The following SEPTIN7 variants were observed in gnomAD, a reference collection of about 807,000 sequenced individuals.
SEPTIN7 encodes the protein septin-7.
SEPTIN7 carries 10 observed loss-of-function variants against 63.3 expected under a neutral mutation model. The observed-to-expected ratio is 0.16, with a 90% CI of 0.10 to 0.27. SEPTIN7 has a LOEUF of 0.27. Ranked by LOEUF, SEPTIN7 falls within the 10% of genes least tolerant of loss-of-function variation. The pLI is 1.00. For missense variants in SEPTIN7, 310 were observed against 521.0 expected (o/e 0.59, Z 3.94); for synonymous variants, 131 against 165.3 (o/e 0.79, Z 1.59).
At chr7:35,829,393 C>T (rs554723153) in intron 1 of SEPTIN7, among the ~76,000 whole-genome samples, 6 of 152,076 alleles carry the variant, frequency 3.9e-5, no homozygotes, top group Non-Finnish European at 7.4e-5. Flanking sequence ...CCACCTGTCT[C>T]GGCTTTCTTT....
downstream of SEPTIN7, among the ~76,000 whole-genome samples, chr7:35,908,791 C>T (rs1160710143): frequency 1.3e-5 from 2 of 152,208 alleles, no homozygotes; most frequent in Non-Finnish European, 2.9e-5. Flanking sequence ...GTAAGTAGAG[C>T]ACAGATTCCC....
At chr7:35,816,586 T>C (rs1437203320) in intron 1 of SEPTIN7, among the ~76,000 whole-genome samples, 1 of 152,162 alleles carries the variant, frequency 6.6e-6, no homozygotes, top group African/African-American at 2.4e-5. Context: ...CCCTTGGATA[T>C]ATACCTAAGG....
At chr7:35,831,826 T>C (rs1783846786) in intron 2 of SEPTIN7, 1 of 257,728 alleles carries the variant, frequency 3.9e-6, no homozygotes, top group Non-Finnish European at 7.6e-6. Flanking sequence ...TTCTGTTCTT[T>C]GTTAAATCCA....
chr7:35,892,311 A>G (rs1787696763), intron 11 of SEPTIN7, among the ~76,000 whole-genome samples: 4 of 152,260 alleles, frequency 2.6e-5, no homozygotes, highest in Admixed American at 2.6e-4. Context: ...GTAAGCCTCA[A>G]TATGTGAACA....
chr7:35,821,131 C>A (rs962378621), intron 1 of SEPTIN7, among the ~76,000 whole-genome samples: 2 of 152,096 alleles, frequency 1.3e-5, no homozygotes, highest in Admixed American at 6.5e-5. Flanking sequence ...GTTTTCAAGG[C>A]TACTGTAGAG....
intron 3 of SEPTIN7, among the ~76,000 whole-genome samples, chr7:35,837,465 G>A (rs1583535131): frequency 2.0e-5 from 3 of 151,918 alleles, no homozygotes; most frequent in Non-Finnish European, 2.9e-5. Flanking sequence ...TAATAACATC[G>A]TTATAGTTAT....
chr7:35,854,719 C>T (rs1476461191), intron 3 of SEPTIN7, among the ~76,000 whole-genome samples: 2 of 152,124 alleles, frequency 1.3e-5, no homozygotes, highest in East Asian at 1.9e-4. Flanking sequence ...TGCAGGTAGC[C>T]TCTTCTCAGG....
At chr7:35,891,425 T>C (rs1787637396) in intron 11 of SEPTIN7, among the ~76,000 whole-genome samples, 1 of 152,202 alleles carries the variant, frequency 6.6e-6, no homozygotes. Context: ...GGTTATGTGG[T>C]CTAGCTATTC....
intron 3 of SEPTIN7, among the ~76,000 whole-genome samples, chr7:35,855,915 A>G (rs541152475): frequency 1.3e-5 from 2 of 152,146 alleles, no homozygotes; most frequent in Non-Finnish European, 2.9e-5. Flanking sequence ...CAAAAGACCT[A>G]TTAGTCTTTT....
intron 1 of SEPTIN7, among the ~76,000 whole-genome samples, chr7:35,819,890 A>G (rs1789309174): frequency 1.3e-5 from 2 of 152,040 alleles, no homozygotes; most frequent in South Asian, 2.1e-4. Context: ...TTGGAGTCCT[A>G]TTATACCTGA....
At chr7:35,864,064 AC>A (rs1785666410) in intron 4 of SEPTIN7, among the ~76,000 whole-genome samples, 4 of 151,924 alleles carry the variant, frequency 2.6e-5, no homozygotes, top group Admixed American at 6.6e-5. Context: ...TTTTTGCAGC[AC>A]GTATATGAAG....
chr7:35,887,743 T>C (rs1254340627), intron 10 of SEPTIN7, among the ~76,000 whole-genome samples: 1 of 152,232 alleles, frequency 6.6e-6, no homozygotes, highest in Non-Finnish European at 1.5e-5. Context: ...TGACCATGCC[T>C]GCAGGAAGAT....
At position 35,906,814 on chromosome 7, in the gene SEPTIN7, T is replaced by C. The variant is rs1788626969; in HGVS notation, c.*2521T>C. The C allele has an allele frequency of 1.3e-5, 2 of 152,230 alleles. No individual in the cohort carries two copies. The highest frequency in any genetic ancestry group is 1.3e-4 in the Admixed American group (2 of 15,288). 9.4% of individuals were successfully genotyped at this position (152,230 alleles called of 1,614,324 possible). A position where few individuals can be genotyped will look rare whatever the true frequency, so the allele number is the denominator to read the frequency against. On this transcript the variant is annotated 3_prime_UTR_variant, in exon 14 of 14. Coordinates refer to ENST00000350320, the MANE Select transcript of SEPTIN7 (RefSeq NM_001788.6). ...CATTCTGACCCACCGCATCTTAATA[T>C]GTTTTGTCCTCTTGGAGAAACTAGG...
intron 1 of SEPTIN7, among the ~76,000 whole-genome samples, chr7:35,814,798 AC>A (rs771761314): frequency 6.6e-6 from 1 of 151,758 alleles, no homozygotes; most frequent in East Asian, 1.9e-4. Flanking sequence ...ACACGGTGAA[AC>A]CCCGTCTCTA....
rs2116263081 is a variant in SEPTIN7, at chr7:35,879,809, A to T, written c.513-14A>T. 1 of 1,372,112 alleles carries T rather than the reference A, an allele frequency of 7.3e-7. No homozygotes were observed. The highest frequency in any genetic ancestry group is 1.9e-5 in the Admixed American group (1 of 52,204). 85.0% of individuals were successfully genotyped at this position (1,372,112 alleles called of 1,614,324 possible). ...ACTGATCAATTCAGTCAAATTAAATACTGTGTATTTCAGACTTAAACCATT... is the reference window on the plus strand; with the variant it reads ...ACTGATCAATTCAGTCAAATTAAATTCTGTGTATTTCAGACTTAAACCATT... On this transcript the variant is annotated splice_polypyrimidine_tract_variant and intron_variant, in intron 6 of 13. Coordinates refer to ENST00000350320, the MANE Select transcript of SEPTIN7 (RefSeq NM_001788.6).
intron 12 of SEPTIN7, 93 bp from the exon 13 acceptor site, chr7:35,902,983 T>C (rs1236088183): frequency 7.0e-7 from 1 of 1,429,084 alleles, no homozygotes; most frequent in Non-Finnish European, 9.2e-7. Context: ...CAAATAGTGC[T>C]CATACTCCTT....
chr7:35,869,130 T>C (rs942421529), intron 4 of SEPTIN7, among the ~76,000 whole-genome samples: 18 of 151,806 alleles, frequency 1.2e-4, no homozygotes, highest in African/African-American at 3.4e-4. Flanking sequence ...GAAATAAAGG[T>C]TTTGGGAAGG....
rs77037895 is a variant in SEPTIN7 at position 35,886,009 on chromosome 7, A to G, written c.872+130A>G. The G allele has an allele frequency of 0.086, 55,527 of 642,820 alleles. 3,044 individuals carry two copies. The highest frequency in any genetic ancestry group is 0.19 in the South Asian group (9,784 of 51,666). 39.8% of individuals were successfully genotyped at this position (642,820 alleles called of 1,614,324 possible). ...TATCTTCAGTCTAGCCATGAAGTAA[A>G]CACTACATATAGATGATTCTTTCTC... On this transcript the variant is annotated intron_variant, in intron 10 of 13. Transcript: ENST00000350320.
intron 3 of SEPTIN7, among the ~76,000 whole-genome samples, chr7:35,858,675 C>CT (rs1785339302): frequency 1.4e-5 from 2 of 140,924 alleles, no homozygotes; most frequent in Non-Finnish European, 3.1e-5. Flanking sequence ...TTTTGGTTTT[C>CT]TTTTTCTTTT....
Sources: gnomAD v4.1 joint callset for allele counts (sites outside exome capture counted in the v4.1 genomes callset) on GRCh38, gnomAD v4.1.1 for gene constraint, MANE v1.5 for transcripts, NCBI Gene and HGNC (gene_info 2026-07-23, HGNC 2026-07-21) for gene names.